Variants in DSCAML1 observed in about 807,000 individuals in gnomAD.
DSCAML1 encodes cell adhesion molecule DSCAML1.
In DSCAML1, 38 loss-of-function variants were observed where a neutral mutation model predicts 200.5. The ratio of observed to expected loss-of-function variants is 0.19; its 90% CI spans 0.15 to 0.25. The LOEUF (loss-of-function observed/expected upper bound fraction) is 0.25. Among genes scored for constraint, DSCAML1 ranks in the 10% least tolerant of loss-of-function variants. The probability of loss-of-function intolerance (pLI) is 1.00; values close to 1 mark genes in which losing one functional copy is unlikely to be tolerated. For synonymous variants in DSCAML1, 1,215 were observed against 1,165.0 expected (o/e 1.04, Z -0.87); for missense variants, 2,223 against 2,858.8 (o/e 0.78, Z 5.07).
At chr11:117,483,707 G>C (rs991060345) in intron 11 of DSCAML1, among the ~76,000 whole-genome samples, 9 of 152,220 alleles carry the variant, frequency 5.9e-5, no homozygotes, top group Non-Finnish European at 1.0e-4. Context: ...CTCCAAGGCA[G>C]ACATAGGCGG....
At chr11:117,583,159 G>A (rs2051075654) in intron 3 of DSCAML1, among the ~76,000 whole-genome samples, 1 of 151,878 alleles carries the variant, frequency 6.6e-6, no homozygotes, top group African/African-American at 2.4e-5. Flanking sequence ...GCTGATGGGC[G>A]GGGCCTGGAC....
At position 117,444,001 on chromosome 11, in the gene DSCAML1, G is replaced by A. The variant is rs1196391263; in HGVS notation, c.3747C>T (p.Phe1249=). Residue 1249 remains phenylalanine, a synonymous_variant, in exon 21 of 33, where the codon TTC becomes TTT. Transcript: ENST00000651296. The stretch of plus-strand genomic sequence containing the variant: ...CGCGGTTTAGGTGGGCGATCCGGTA[G>A]AAGAGCTGCTCTGGACTCGTCTCGT... ...SEYETSPEQL[F]YRIAHLNRGQ... 1 of 1,614,006 alleles carries A rather than the reference G, an allele frequency of 6.2e-7. No individual in the cohort carries two copies. Among genetic ancestry groups the A allele is most frequent in the Non-Finnish European group, 8.5e-7 (1 of 1,179,988 alleles).
intron 32 of DSCAML1, among the ~76,000 whole-genome samples, chr11:117,430,460 G>T (rs79011064): frequency 0.017 from 2,539 of 152,302 alleles, 69 homozygotes; most frequent in African/African-American, 0.057. Flanking sequence ...TACTATCGTT[G>T]GCATTTTACA....
chr11:117,655,156 C>T (rs183597526), intron 3 of DSCAML1, among the ~76,000 whole-genome samples: 1 of 152,330 alleles, frequency 6.6e-6, no homozygotes, highest in African/African-American at 2.4e-5. Context: ...CTGCCATCTC[C>T]ATGCCCTGAT....
At chr11:117,630,658 CAAAAAAAAAA>C (rs56741831) in intron 3 of DSCAML1, among the ~76,000 whole-genome samples, 13 of 45,592 alleles carry the variant, frequency 2.9e-4, no homozygotes, top group East Asian at 1.6e-3. Flanking sequence ...ATAAAGTGGC[CAAAAAAAAAA>C]AAAAAAAAAA....
At chr11:117,548,515 C>T (rs879270150) in intron 3 of DSCAML1, among the ~76,000 whole-genome samples, 2 of 152,218 alleles carry the variant, frequency 1.3e-5, no homozygotes, top group Admixed American at 1.3e-4. Context: ...AGACAGTTCA[C>T]GGCTCCCACC....
intron 3 of DSCAML1, among the ~76,000 whole-genome samples, chr11:117,590,615 G>A (rs962086323): frequency 5.3e-5 from 8 of 152,158 alleles, no homozygotes; most frequent in Admixed American, 3.9e-4. Context: ...CTGTCATCTC[G>A]AGATGGAGCA....
chr11:117,675,263 C>T (rs151166725), intron 3 of DSCAML1, among the ~76,000 whole-genome samples: 133 of 152,148 alleles, frequency 8.7e-4, no homozygotes, highest in Non-Finnish European at 1.4e-3. Flanking sequence ...TACCATGGCT[C>T]GGAACATTTT....
intron 11 of DSCAML1, among the ~76,000 whole-genome samples, chr11:117,487,792 G>T (rs996494683): frequency 6.6e-6 from 1 of 152,164 alleles, no homozygotes; most frequent in African/African-American, 2.4e-5. Context: ...ACACTGCAAG[G>T]GGGGAAGGGA....
intron 3 of DSCAML1, among the ~76,000 whole-genome samples, chr11:117,576,111 C>T (rs1478368353): frequency 6.6e-6 from 1 of 152,148 alleles, no homozygotes; most frequent in African/African-American, 2.4e-5. Context: ...TCTGAAGAAT[C>T]CCATCAGCTC....
intron 3 of DSCAML1, among the ~76,000 whole-genome samples, chr11:117,751,156 C>T (rs567843198): frequency 6.6e-5 from 10 of 152,134 alleles, no homozygotes; most frequent in East Asian, 1.9e-4. Flanking sequence ...CTGCATTATC[C>T]GGGCCCGTAA....
intron 30 of DSCAML1, 90 bp downstream of exon 30, chr11:117,432,262 C>A: frequency 7.2e-7 from 1 of 1,389,298 alleles, no homozygotes; most frequent in South Asian, 1.5e-5. Context: ...GCTCCCTCCT[C>A]CCTTTAAAAA....
rs184887401 is a variant in DSCAML1 at position 117,545,121 on chromosome 11, T to C, written c.512-12599A>G. 9.2e-3 allele frequency among the ~76,000 whole-genome samples: 1,397 copies of C among 151,786 alleles called. 70 individuals are homozygous for C. The highest frequency in any genetic ancestry group is 0.084 in the Admixed American group (1,275 of 15,254). ...GGCGGGCGCCTGTAATCCCAGATAC[T>C]CGGGAGGCCGAGGCAGGAGAATTGC... On this transcript the variant is annotated intron_variant, in intron 3 of 32. Coordinates refer to ENST00000651296, the MANE Select transcript of DSCAML1 (RefSeq NM_020693.4).
At position 117,567,901 on chromosome 11, in the gene DSCAML1, C is replaced by A. The variant is rs540047049; in HGVS notation, c.512-35379G>T. On this transcript the variant is annotated intron_variant, in intron 3 of 32. Transcript: ENST00000651296. ...GGCCAGCATCATCCTGATACCAAAG[C>A]CGGGCAGAGACACAACCAAAAAAGA... 1.7e-3 allele frequency among the ~76,000 whole-genome samples: 256 copies of A among 152,140 alleles called. 2 individuals are homozygous for A. Among genetic ancestry groups the A allele is most frequent in the African/African-American group, 5.9e-3 (244 of 41,502 alleles).
chr11:117,532,957 A>T (rs1192752773), intron 3 of DSCAML1, among the ~76,000 whole-genome samples: 1 of 147,296 alleles, frequency 6.8e-6, no homozygotes. Flanking sequence ...ATAGGGGGAG[A>T]CCCTGTCTAT....
intron 18 of DSCAML1, among the ~76,000 whole-genome samples, chr11:117,460,539 C>T (rs1034104295): frequency 2.0e-5 from 3 of 152,084 alleles, no homozygotes; most frequent in Non-Finnish European, 2.9e-5. Flanking sequence ...ATGACTAAGG[C>T]CTTTAATGGA....
chr11:117,621,754 T>C (rs1258315695), intron 3 of DSCAML1, among the ~76,000 whole-genome samples: 4 of 152,174 alleles, frequency 2.6e-5, no homozygotes, highest in Admixed American at 2.6e-4. Flanking sequence ...CATGATCTTA[T>C]CTATATGCAG....
At chr11:117,623,429 AG>A (rs1387005604) in intron 3 of DSCAML1, among the ~76,000 whole-genome samples, 2 of 151,952 alleles carry the variant, frequency 1.3e-5, no homozygotes, top group East Asian at 3.9e-4. Flanking sequence ...TTGGCCAGGC[AG>A]GTCTCGAACT....
intron 3 of DSCAML1, among the ~76,000 whole-genome samples, chr11:117,550,941 G>T (rs1345208748): frequency 6.6e-6 from 1 of 152,212 alleles, no homozygotes; most frequent in Admixed American, 6.5e-5. Context: ...CCAAGTCAGG[G>T]TTTCTTCTTG....
Sources: allele counts gnomAD v4.1 joint callset (sites outside exome capture counted in the v4.1 genomes callset), GRCh38; gene constraint gnomAD v4.1.1; transcripts MANE v1.5; gene names NCBI Gene and HGNC (gene_info 2026-07-23, HGNC 2026-07-21).